C8A: variants seen among roughly 807,000 people sequenced by gnomAD.
The protein encoded by C8A is complement component C8 alpha chain.
C8A carries 67 observed loss-of-function variants against 65.3 expected under a neutral mutation model. That is an observed-to-expected ratio of 1.03 (90% CI 0.84 to 1.26). C8A has a LOEUF of 1.26. C8A is among the 50% of genes most tolerant of loss of function. The probability of loss-of-function intolerance (pLI) is 0.00; values close to 1 mark genes in which losing one functional copy is unlikely to be tolerated. For missense variants in C8A, 781 were observed against 723.9 expected, an observed-to-expected ratio of 1.08 and a Z score of -0.90; for synonymous variants, 290 against 259.4, an observed-to-expected ratio of 1.12 and a Z score of -1.13.
At chr1:56,856,349 A>G (rs1191725208) in intron 1 of C8A, among the ~76,000 whole-genome samples, 2 of 152,264 alleles carry the variant, frequency 1.3e-5, no homozygotes, top group South Asian at 4.1e-4. Flanking sequence ...GTAAGAACAA[A>G]AATTAAATGC....
chr1:56,881,224 A>G (rs1182340890), intron 4 of C8A, among the ~76,000 whole-genome samples: 5 of 152,196 alleles, frequency 3.3e-5, no homozygotes, highest in African/African-American at 9.7e-5. Flanking sequence ...ATGACATTAT[A>G]TGCTACCTTG....
At position 56,867,607 on chromosome 1, in the gene C8A, A is replaced by G. The variant is rs1170190525; in HGVS notation, c.78-2A>G. 3 of 1,611,074 alleles carry G rather than the reference A, an allele frequency of 1.9e-6. No individual in the cohort carries two copies. In the African/African-American group the frequency reaches 4.0e-5, roughly 22 times the overall value. ...TGATGCATGGATCTTCCCTTTCTTTAGGAGAGTAAGACGGGCAGCTACACC... is the reference window on the plus strand; with the variant it reads ...TGATGCATGGATCTTCCCTTTCTTTGGGAGAGTAAGACGGGCAGCTACACC... On this transcript the variant is annotated splice_acceptor_variant, in intron 1 of 10. Coordinates refer to ENST00000361249, the MANE Select transcript of C8A (RefSeq NM_000562.3). LOFTEE classifies it high-confidence loss of function.
intron 1 of C8A, among the ~76,000 whole-genome samples, chr1:56,867,400 A>G (rs1030881303): frequency 1.3e-5 from 2 of 152,184 alleles, no homozygotes; most frequent in African/African-American, 4.8e-5. Flanking sequence ...GGGGACTGAT[A>G]TAGTATTAAA....
chr1:56,864,689 A>G (rs973006697), intron 1 of C8A, among the ~76,000 whole-genome samples: 1 of 152,146 alleles, frequency 6.6e-6, no homozygotes, highest in African/African-American at 2.4e-5. Flanking sequence ...GCATGATGAC[A>G]GGAATTGATG....
At chr1:56,865,208 T>C (rs1384582190) in intron 1 of C8A, among the ~76,000 whole-genome samples, 9 of 152,228 alleles carry the variant, frequency 5.9e-5, no homozygotes, top group African/African-American at 2.2e-4. Context: ...TTATTTGAAC[T>C]GTAAGTTAAG....
intron 2 of C8A, among the ~76,000 whole-genome samples, chr1:56,870,646 C>T (rs1420976184): frequency 6.8e-6 from 1 of 146,962 alleles, no homozygotes; most frequent in Non-Finnish European, 1.5e-5. Context: ...CTTTGTGTGG[C>T]CATTATTCAA....
Position 56,908,054 on chromosome 1 carries a change from A to G in C8A, c.1321A>G (p.Ile441Val), listed in dbSNP as rs111937292. ...TGGCTTGGCACAGAACAGGAGCACC[A>G]TTACATACCGTTCCTGGGGGAGGTC... ...SGGLAQNRST[I>V]TYRSWGRSLK... Residue 441 changes from isoleucine to valine, a missense_variant, in exon 9 of 11, where the codon ATT becomes GTT. Transcript: ENST00000361249. 177 of 1,614,144 alleles carry G rather than the reference A, an allele frequency of 1.1e-4. No individual in the cohort carries two copies. The Middle Eastern group carries it at 1.5e-3, about 14-fold the overall frequency.
chr1:56,889,718 G>A (rs1272163666), intron 7 of C8A, among the ~76,000 whole-genome samples: 1 of 152,084 alleles, frequency 6.6e-6, no homozygotes, highest in Non-Finnish European at 1.5e-5. Context: ...GTTTGCTCTG[G>A]GGGAATCTTT....
chr1:56,865,821 T>G (rs1248974416), intron 1 of C8A, among the ~76,000 whole-genome samples: 1 of 152,214 alleles, frequency 6.6e-6, no homozygotes, highest in Non-Finnish European at 1.5e-5. Context: ...CTGGTGATAT[T>G]AACAGGTTTG....
intron 7 of C8A, among the ~76,000 whole-genome samples, chr1:56,892,961 A>G (rs1364393736): frequency 6.6e-6 from 1 of 152,142 alleles, no homozygotes; most frequent in Non-Finnish European, 1.5e-5. Flanking sequence ...GGGCTTTGCA[A>G]AGACCTCACA....
At chr1:56,855,085 C>A in intron 1 of C8A, 107 bp downstream of exon 1, 2 of 875,302 alleles carry the variant, frequency 2.3e-6, no homozygotes, top group Non-Finnish European at 3.8e-6. Context: ...TGGAAAATAA[C>A]CTCTTTTCAT....
intron 7 of C8A, among the ~76,000 whole-genome samples, chr1:56,902,924 A>G (rs781006073): frequency 6.6e-6 from 1 of 152,108 alleles, no homozygotes; most frequent in Non-Finnish European, 1.5e-5. Flanking sequence ...TCCCTAATCT[A>G]TGGAGAGGAG....
In C8A at chr1:56,906,791, T is replaced by G. The variant is rs370577992; in HGVS notation, c.1221T>G (p.Thr407=). The G allele has an allele frequency of 6.2e-7, 1 of 1,613,972 alleles. No individual in the cohort carries two copies. The highest frequency in any genetic ancestry group is 8.5e-7 in the Non-Finnish European group (1 of 1,179,966). ...DHCKKFGGGK[T]ERARKAMAVE... is the part of the protein sequence containing the mutation. ...GTAAAAAATTTGGAGGTGGCAAAAC[T>G]GGCAAGTGTTTAGTAATAGATCTCC... Residue 407 remains threonine (T), a splice_region_variant and synonymous_variant, in exon 8 of 11, where the codon ACT becomes ACG. Coordinates refer to ENST00000361249, the MANE Select transcript of C8A (RefSeq NM_000562.3).
chr1:56,855,985 G>T (rs1294083835), intron 1 of C8A, among the ~76,000 whole-genome samples: 3 of 151,966 alleles, frequency 2.0e-5, no homozygotes, highest in Non-Finnish European at 2.9e-5. Flanking sequence ...GGAAATCTCC[G>T]CCGAGATATT....
intron 7 of C8A, among the ~76,000 whole-genome samples, chr1:56,902,367 T>C (rs527464604): frequency 6.9e-6 from 1 of 145,384 alleles, no homozygotes; most frequent in Non-Finnish European, 1.5e-5. Context: ...TGGTCTCTCT[T>C]AAAGATAAAT....
chr1:56,900,181 A>G (rs1644415955), intron 7 of C8A, among the ~76,000 whole-genome samples: 1 of 152,192 alleles, frequency 6.6e-6, no homozygotes, highest in South Asian at 2.1e-4. Flanking sequence ...CAGGACTACC[A>G]TTGGCTACAC....
intron 7 of C8A, among the ~76,000 whole-genome samples, chr1:56,891,849 G>A (rs147558825): frequency 6.6e-6 from 1 of 152,120 alleles, no homozygotes; most frequent in Non-Finnish European, 1.5e-5. Context: ...GCAAAGAAGG[G>A]ACTCTAAATA....
chr1:56,872,350 A>G (rs966882430), intron 2 of C8A, among the ~76,000 whole-genome samples: 6 of 152,210 alleles, frequency 3.9e-5, no homozygotes, highest in Non-Finnish European at 5.9e-5. Flanking sequence ...TCATTATGAC[A>G]TTGACTGGAT....
chr1:56,880,848 A>G (rs944833640), intron 4 of C8A, among the ~76,000 whole-genome samples: 3 of 152,192 alleles, frequency 2.0e-5, no homozygotes, highest in Admixed American at 2.0e-4. Flanking sequence ...CTTTTTACAA[A>G]TGACTAAACC....
Sources: allele counts gnomAD v4.1 joint callset (sites outside exome capture counted in the v4.1 genomes callset), GRCh38; gene constraint gnomAD v4.1.1; transcripts MANE v1.5; gene names NCBI Gene and HGNC (gene_info 2026-07-23, HGNC 2026-07-21).